The following FANK1 variants were observed in gnomAD, a reference collection of about 807,000 sequenced individuals.
The protein encoded by FANK1 is fibronectin type III and ankyrin repeat domains 1, also known as fibronectin type 3 and ankyrin repeat domains protein 1.
In FANK1, 44 loss-of-function variants were observed where a neutral mutation model predicts 45.3. The observed-to-expected ratio is 0.97, with a 90% confidence interval of 0.76 to 1.25. The LOEUF (loss-of-function observed/expected upper bound fraction) is 1.25, where lower values mean the gene tolerates loss of function less well. Among genes scored for constraint, FANK1 ranks in the 50% most tolerant of loss-of-function variants. The pLI is 0.00. For synonymous variants in FANK1, 149 were observed against 152.5 expected (o/e 0.98, Z 0.17); for missense variants, 391 against 424.4 (o/e 0.92, Z 0.69).
chr10:125,959,414 A>C (rs1395913010), intron 1 of FANK1, among the ~76,000 whole-genome samples: 3 of 18,194 alleles, frequency 1.6e-4, no homozygotes, highest in Admixed American at 1.0e-3. Context: ...ACTCTGTCTC[A>C]AAAAAAAAAA....
At chr10:125,970,340 C>T (rs1250104731) in intron 1 of FANK1, among the ~76,000 whole-genome samples, 1 of 151,672 alleles carries the variant, frequency 6.6e-6, no homozygotes, top group Non-Finnish European at 1.5e-5. Context: ...CTCCTCACCT[C>T]CCAGATGGGG....
At chr10:125,915,108 GC>G (rs977296098) in intron 1 of FANK1, among the ~76,000 whole-genome samples, 13 of 152,122 alleles carry the variant, frequency 8.5e-5, no homozygotes, top group African/African-American at 3.1e-4. Context: ...CTGAGTCGGG[GC>G]CCAGTGTTGT....
chr10:125,998,360 AG>A lies in FANK1; in HGVS notation c.539+876del, dbSNP rs560901210. Among the ~76,000 whole-genome samples the A allele has an allele frequency of 7.9e-5, 12 of 152,348 alleles. No individual in the cohort carries two copies. In the South Asian group the frequency reaches 2.3e-3, roughly 29 times the overall value. On this transcript the variant is annotated intron_variant, in intron 6 of 10. Coordinates refer to ENST00000368693, the MANE Select transcript of FANK1 (RefSeq NM_145235.5). ...CATTCTCTGAACACAATACAGCAATAGATTTTAAATAACAATATCTTAAATA... is the reference window on the plus strand; with the variant it reads ...CATTCTCTGAACACAATACAGCAATAATTTTAAATAACAATATCTTAAATA...
chr10:125,970,789 G>A (rs941875462), intron 1 of FANK1, among the ~76,000 whole-genome samples: 1 of 152,198 alleles, frequency 6.6e-6, no homozygotes, highest in African/African-American at 2.4e-5. Flanking sequence ...GGCAACAGAG[G>A]GGGACCGTGG....
At chr10:125,987,370 G>T (rs1295522762) in intron 2 of FANK1, among the ~76,000 whole-genome samples, 1 of 151,942 alleles carries the variant, frequency 6.6e-6, no homozygotes, top group Admixed American at 6.5e-5. Flanking sequence ...ATCTTTGGAG[G>T]ATCTATTGAG....
intron 1 of FANK1, among the ~76,000 whole-genome samples, chr10:125,896,918 G>A (rs1400967314): frequency 1.3e-5 from 2 of 152,136 alleles, no homozygotes; most frequent in Non-Finnish European, 2.9e-5. Context: ...GGTATGGGTG[G>A]GGAAGGGCGC....
intron 1 of FANK1, among the ~76,000 whole-genome samples, chr10:125,964,508 T>G (rs1950106721): frequency 6.6e-6 from 1 of 152,194 alleles, no homozygotes; most frequent in Non-Finnish European, 1.5e-5. Flanking sequence ...TGTATCATTC[T>G]CTACATAACG....
intron 1 of FANK1, among the ~76,000 whole-genome samples, chr10:125,906,431 G>A (rs1945521875): frequency 1.4e-5 from 2 of 146,532 alleles, no homozygotes; most frequent in African/African-American, 5.1e-5. Context: ...CAGGAGAATT[G>A]CTTGAACCTG....
chr10:125,933,891 C>T (rs1424161668), intron 1 of FANK1, among the ~76,000 whole-genome samples: 1 of 152,090 alleles, frequency 6.6e-6, no homozygotes, highest in Non-Finnish European at 1.5e-5. Flanking sequence ...GTTTTTGACC[C>T]AGTGCTCATT....
intron 1 of FANK1, among the ~76,000 whole-genome samples, chr10:125,978,659 G>A (rs139329741): frequency 8.7e-4 from 132 of 151,994 alleles, no homozygotes; most frequent in African/African-American, 2.9e-3. Context: ...GTGTTGGCTC[G>A]GACTCTCCAA....
At chr10:125,928,339 TAGTGGGAGTGTAGC>T (rs1302431038) in intron 1 of FANK1, among the ~76,000 whole-genome samples, 1 of 150,962 alleles carries the variant, frequency 6.6e-6, no homozygotes, top group South Asian at 2.1e-4. Flanking sequence ...GTCGTGGTGC[TAGTGGGAGTGTAGC>T]AGTGGGAGGA....
At chr10:125,927,503 A>T (rs1589893033) in intron 1 of FANK1, among the ~76,000 whole-genome samples, 1 of 151,666 alleles carries the variant, frequency 6.6e-6, no homozygotes, top group South Asian at 2.1e-4. Context: ...CTGGTGGCTG[A>T]CATTCAGGTT....
chr10:125,914,047 C>G (rs1198031685), intron 1 of FANK1, among the ~76,000 whole-genome samples: 2 of 152,058 alleles, frequency 1.3e-5, no homozygotes, highest in Non-Finnish European at 1.5e-5. Flanking sequence ...CTCTCTCTAC[C>G]TGAATCTACC....
intron 1 of FANK1, among the ~76,000 whole-genome samples, chr10:125,968,021 A>C (rs1950282374): frequency 2.0e-5 from 3 of 152,120 alleles, no homozygotes; most frequent in Admixed American, 2.0e-4. Flanking sequence ...TATTACCATT[A>C]CATGTTTTTC....
chr10:125,948,071 A>G (rs1177514842), intron 1 of FANK1, among the ~76,000 whole-genome samples: 107 of 149,966 alleles, frequency 7.1e-4, no homozygotes, highest in African/African-American at 2.2e-3. Context: ...ACCAACGAGA[A>G]CAAAGACACA....
At chr10:125,989,454 G>C in intron 3 of FANK1, 1 of 1,087,418 alleles carries the variant, frequency 9.2e-7, no homozygotes. Flanking sequence ...GGAGGTATGT[G>C]CTTTCCATGG....
intron 1 of FANK1, among the ~76,000 whole-genome samples, chr10:125,913,094 A>G (rs1178933186): frequency 6.6e-6 from 1 of 152,254 alleles, no homozygotes; most frequent in Non-Finnish European, 1.5e-5. Flanking sequence ...TGAAAACAGA[A>G]AAGTATGCAA....
At chr10:125,911,609 C>T (rs1254691760) in intron 1 of FANK1, among the ~76,000 whole-genome samples, 2 of 152,230 alleles carry the variant, frequency 1.3e-5, no homozygotes, top group Non-Finnish European at 1.5e-5. Flanking sequence ...TGTTAAATCA[C>T]TCTCCTCTAG....
Position 126,009,044 on chromosome 10 carries a change from T to G in FANK1, c.850-10T>G, listed in dbSNP as rs751667421. On this transcript the variant is annotated splice_polypyrimidine_tract_variant and intron_variant, in intron 8 of 10. Coordinates refer to ENST00000368693, the MANE Select transcript of FANK1 (RefSeq NM_145235.5). ...AGCTCATGCACACCACCCTGGGTTTTGTTTTCTAGGTGGCTGTGTTAAATA... is the reference window on the plus strand; with the variant it reads ...AGCTCATGCACACCACCCTGGGTTTGGTTTTCTAGGTGGCTGTGTTAAATA... 6.2e-7 allele frequency: 1 copy of G among 1,613,830 alleles called. No individual in the cohort carries two copies. Among genetic ancestry groups the G allele is most frequent in the Non-Finnish European group, 8.5e-7 (1 of 1,179,984 alleles).
Sources: allele counts gnomAD v4.1 joint callset (sites outside exome capture counted in the v4.1 genomes callset), GRCh38; gene constraint gnomAD v4.1.1; transcripts MANE v1.5; gene names NCBI Gene and HGNC (gene_info 2026-07-23, HGNC 2026-07-21).